The following ADK variants were observed in gnomAD, a reference collection of about 807,000 sequenced individuals.
ADK encodes adenosine kinase, also known as N6,N6-dimethyladenosine kinase.
A neutral mutation model predicts 44.7 loss-of-function variants in ADK; 24 were observed. The ratio of observed to expected loss-of-function variants is 0.54; its 90% CI spans 0.39 to 0.76. The LOEUF (loss-of-function observed/expected upper bound fraction) is 0.76, where lower values mean the gene tolerates loss of function less well. ADK is among the 30% of genes least tolerant of loss of function. ADK has a pLI of 0.00. For synonymous variants in ADK, 128 were observed against 142.6 expected, an observed-to-expected ratio of 0.90 and a Z score of 0.73; for missense variants, 321 against 425.1, an observed-to-expected ratio of 0.76 and a Z score of 2.15.
chr10:74,168,983 T>C (rs1220489313), intron 1 of ADK, among the ~76,000 whole-genome samples: 1 of 152,064 alleles, frequency 6.6e-6, no homozygotes, highest in Non-Finnish European at 1.5e-5. Context: ...CCCAGCACTT[T>C]GGGAGGCTGA....
At chr10:74,251,117 G>A (rs1845635340) in intron 3 of ADK, among the ~76,000 whole-genome samples, 1 of 152,158 alleles carries the variant, frequency 6.6e-6, no homozygotes, top group South Asian at 2.1e-4. Context: ...GAAGTTTTGT[G>A]TTTAGTGTCT....
intron 9 of ADK, among the ~76,000 whole-genome samples, chr10:74,663,244 AAAT>A (rs1327782460): frequency 9.0e-4 from 55 of 61,268 alleles, no homozygotes; most frequent in African/African-American, 4.0e-3. Context: ...CAAAAAAAAA[AAAT>A]AATATATATA....
At chr10:74,167,783 T>C (rs560263789) in intron 1 of ADK, among the ~76,000 whole-genome samples, 2 of 152,364 alleles carry the variant, frequency 1.3e-5, no homozygotes, top group Non-Finnish European at 2.9e-5. Context: ...TAAGATATTG[T>C]TCCCATTTTA....
chr10:74,208,005 AG>A (rs1235908555), intron 2 of ADK, among the ~76,000 whole-genome samples: 11 of 152,230 alleles, frequency 7.2e-5, no homozygotes, highest in African/African-American at 2.4e-4. Context: ...GAGGGGGCTG[AG>A]GGGGCAGGGG....
intron 6 of ADK, among the ~76,000 whole-genome samples, chr10:74,452,423 A>G (rs970567311): frequency 6.6e-6 from 1 of 152,016 alleles, no homozygotes; most frequent in African/African-American, 2.4e-5. Flanking sequence ...AAGAAATGAG[A>G]TTAAGCATAC....
intron 7 of ADK, among the ~76,000 whole-genome samples, chr10:74,542,542 A>G (rs896685455): frequency 6.6e-6 from 1 of 152,096 alleles, no homozygotes; most frequent in Non-Finnish European, 1.5e-5. Context: ...TGAAACATTT[A>G]TATGGTTCTT....
intron 8 of ADK, among the ~76,000 whole-genome samples, chr10:74,596,371 G>A (rs12267197): frequency 6.6e-6 from 1 of 152,076 alleles, no homozygotes; most frequent in African/African-American, 2.4e-5. Flanking sequence ...CAGATTTAAT[G>A]AGTACTTTAT....
chr10:74,542,587 G>A (rs1350263688), intron 7 of ADK, among the ~76,000 whole-genome samples: 1 of 151,972 alleles, frequency 6.6e-6, no homozygotes, highest in African/African-American at 2.4e-5. Flanking sequence ...TTACTCAGTA[G>A]TGTCGCTCCT....
intron 6 of ADK, among the ~76,000 whole-genome samples, chr10:74,438,035 T>C (rs115773735): frequency 0.011 from 1,708 of 152,258 alleles, 38 homozygotes; most frequent in African/African-American, 0.039. Context: ...TAGAGAGTCA[T>C]TTTCTGGTTA....
intron 3 of ADK, among the ~76,000 whole-genome samples, chr10:74,288,474 A>G (rs539196714): frequency 4.3e-4 from 66 of 152,134 alleles, no homozygotes; most frequent in African/African-American, 1.4e-3. Context: ...ACATAGCGAA[A>G]CCCCATCTCT....
At chr10:74,476,543 A>G (rs1846853153) in intron 6 of ADK, among the ~76,000 whole-genome samples, 2 of 152,132 alleles carry the variant, frequency 1.3e-5, no homozygotes, top group Admixed American at 6.5e-5. Flanking sequence ...CCAATTTACC[A>G]GAATACAATG....
At chr10:74,507,621 C>CA (rs1242719744) in intron 6 of ADK, among the ~76,000 whole-genome samples, 1 of 151,576 alleles carries the variant, frequency 6.6e-6, no homozygotes, top group African/African-American at 2.4e-5. Flanking sequence ...CAAAAAAAAA[C>CA]AAAAAAACAA....
chr10:74,587,861 C>T (rs931599408), intron 7 of ADK, among the ~76,000 whole-genome samples: 1 of 151,542 alleles, frequency 6.6e-6, no homozygotes, highest in African/African-American at 2.4e-5. Context: ...GATTTGATTA[C>T]ACATATGTAT....
intron 6 of ADK, among the ~76,000 whole-genome samples, chr10:74,479,395 G>GTTTTTTTTTTT (rs557302014): frequency 1.7e-5 from 2 of 117,222 alleles, no homozygotes; most frequent in Non-Finnish European, 3.7e-5. Context: ...TTTTTTGTTG[G>GTTTTTTTTTTT]TTTTTTTTTT....
At chr10:74,534,411 C>T (rs1261729864) in intron 7 of ADK, among the ~76,000 whole-genome samples, 1 of 152,078 alleles carries the variant, frequency 6.6e-6, no homozygotes, top group African/African-American at 2.4e-5. Context: ...ATTTTTTGAT[C>T]ACCATATATG....
intron 1 of ADK, among the ~76,000 whole-genome samples, chr10:74,190,285 T>C (rs1475711219): frequency 6.6e-6 from 1 of 152,214 alleles, no homozygotes; most frequent in East Asian, 1.9e-4. Context: ...TGTGTGCTTG[T>C]TGGAGCACAC....
chr10:74,638,124 A>G lies in ADK; in HGVS notation c.878-32059A>G, dbSNP rs1292083733. On this transcript the variant is annotated intron_variant, in intron 9 of 10. Coordinates refer to ENST00000539909, the MANE Select transcript of ADK (RefSeq NM_006721.4). ...AATGTAGGTAACCTGAGGTATAATA[A>G]ATTGAGTGTCTTGATATTTAGAGTC... 2.6e-5 allele frequency among the ~76,000 whole-genome samples: 4 copies of G among 152,308 alleles called. No individual in the cohort carries two copies. In the East Asian group the frequency reaches 7.7e-4, roughly 29 times the overall value.
In ADK at chr10:74,611,236, G is replaced by T. The variant is rs191990825; in HGVS notation, c.877+10743G>T. 2.7e-3 allele frequency among the ~76,000 whole-genome samples: 414 copies of T among 151,970 alleles called. 4 individuals carry two copies. The highest frequency in any genetic ancestry group is 5.0e-3 in the Admixed American group (76 of 15,234). ...GGTGGAGACTGGATTTTGCCATATTGCCCATGCTAGTCTCAAACTCCTGAG... is the reference window on the plus strand; with the variant it reads ...GGTGGAGACTGGATTTTGCCATATTTCCCATGCTAGTCTCAAACTCCTGAG... On this transcript the variant is annotated intron_variant, in intron 9 of 10. Transcript: ENST00000539909.
chr10:74,636,588 A>G (rs1853628436), intron 9 of ADK, among the ~76,000 whole-genome samples: 1 of 152,222 alleles, frequency 6.6e-6, no homozygotes. Flanking sequence ...ACTATGTTCT[A>G]TGTACTTGGT....
Sources: allele counts gnomAD v4.1 joint callset (sites outside exome capture counted in the v4.1 genomes callset), GRCh38; gene constraint gnomAD v4.1.1; transcripts MANE v1.5; gene names NCBI Gene and HGNC (gene_info 2026-07-23, HGNC 2026-07-21).